Variants in SNX29 observed in about 807,000 individuals in gnomAD.
SNX29 encodes sorting nexin-29.
In SNX29, 78 loss-of-function variants were observed where a neutral mutation model predicts 102.1. That is an observed-to-expected ratio of 0.76 (90% CI 0.64 to 0.92). The LOEUF is 0.92. SNX29 is among the 40% of genes least tolerant of loss of function. The probability of loss-of-function intolerance (pLI) is 0.00; values close to 1 mark genes in which losing one functional copy is unlikely to be tolerated. For synonymous variants in SNX29, 580 were observed against 414.5 expected (o/e 1.40, Z -4.85); for missense variants, 1,280 against 1,061.7 (o/e 1.21, Z -2.86).
At chr16:12,422,954 T>G (rs948719313) in intron 18 of SNX29, among the ~76,000 whole-genome samples, 2 of 152,078 alleles carry the variant, frequency 1.3e-5, no homozygotes, top group African/African-American at 4.8e-5. Flanking sequence ...GAAAGAAACA[T>G]CCGAAGCTTA....
chr16:12,541,545 C>A (rs1794310), intron 20 of SNX29, among the ~76,000 whole-genome samples: 1 of 151,794 alleles, frequency 6.6e-6, no homozygotes, highest in Non-Finnish European at 1.5e-5. Context: ...TGTTCATCAG[C>A]CTCCCTTTTC....
At chr16:12,338,437 C>T (rs750361747) in intron 15 of SNX29, among the ~76,000 whole-genome samples, 5 of 152,174 alleles carry the variant, frequency 3.3e-5, no homozygotes, top group African/African-American at 1.2e-4. Context: ...TTCCCGGGAA[C>T]AAGGAAGCTC....
intron 10 of SNX29, among the ~76,000 whole-genome samples, chr16:12,077,321 A>T (rs552904486): frequency 1.3e-5 from 2 of 152,030 alleles, no homozygotes; most frequent in Admixed American, 6.5e-5. Context: ...ATGAAAAAAG[A>T]AAATCAGTCT....
At chr16:12,170,379 C>T (rs2076118455) in intron 13 of SNX29, among the ~76,000 whole-genome samples, 1 of 152,100 alleles carries the variant, frequency 6.6e-6, no homozygotes, top group South Asian at 2.1e-4. Flanking sequence ...GTTGAGAGCA[C>T]TGGATCCAGA....
At chr16:12,210,314 C>A (rs747677644) in intron 14 of SNX29, among the ~76,000 whole-genome samples, 7 of 134,102 alleles carry the variant, frequency 5.2e-5, no homozygotes, top group Non-Finnish European at 6.4e-5. Flanking sequence ...GGGACTCAGA[C>A]GTTCCCTCCA....
chr16:12,468,221 C>A, intron 18 of SNX29, among the ~76,000 whole-genome samples: 1 of 125,242 alleles, frequency 8.0e-6, no homozygotes, highest in East Asian at 2.4e-4. Context: ...GTTTCCCAGG[C>A]TGGAGTGCAG....
At position 12,520,824 on chromosome 16, in the gene SNX29, G is replaced by A. The variant is rs377126092; in HGVS notation, c.2179-3878G>A. Among the ~76,000 whole-genome samples, 11 of 152,218 alleles carry A rather than the reference G, an allele frequency of 7.2e-5. No homozygotes were observed. The South Asian group carries it at 2.3e-3, about 32-fold the overall frequency. The stretch of plus-strand genomic sequence containing the variant: ...GTGGGGGAGGTTGGGAGGGAGGTGA[G>A]GGATAAATGACCGCATATTTGAGTA... On this transcript the variant is annotated intron_variant, in intron 19 of 20. Coordinates refer to ENST00000566228, the MANE Select transcript of SNX29 (RefSeq NM_032167.5).
At chr16:12,510,388 A>C (rs2089560857) in intron 19 of SNX29, among the ~76,000 whole-genome samples, 1 of 152,108 alleles carries the variant, frequency 6.6e-6, no homozygotes, top group South Asian at 2.1e-4. Context: ...CTGCATAAGG[A>C]AGAGGCTGGG....
At chr16:12,444,693 C>G (rs2085965272) in intron 18 of SNX29, among the ~76,000 whole-genome samples, 1 of 152,168 alleles carries the variant, frequency 6.6e-6, no homozygotes, top group Admixed American at 6.5e-5. Flanking sequence ...ACTCCCCAGG[C>G]TACAGGTCCT....
chr16:12,032,369 G>A (rs1253044562), intron 4 of SNX29, among the ~76,000 whole-genome samples: 1 of 151,806 alleles, frequency 6.6e-6, no homozygotes, highest in East Asian at 1.9e-4. Flanking sequence ...CACCATGCCC[G>A]GCTAATTTTT....
chr16:12,114,559 T>C (rs1056754859), intron 11 of SNX29, among the ~76,000 whole-genome samples: 2 of 152,004 alleles, frequency 1.3e-5, no homozygotes, highest in South Asian at 2.1e-4. Context: ...CCCGGTTCTG[T>C]ATCGTCATTC....
At chr16:12,438,557 C>T (rs1362755201) in intron 18 of SNX29, among the ~76,000 whole-genome samples, 1 of 152,154 alleles carries the variant, frequency 6.6e-6, no homozygotes, top group African/African-American at 2.4e-5. Context: ...TAACACAGAC[C>T]AGCATTGAGG....
At chr16:12,548,454 G>A (rs995111684) in intron 20 of SNX29, among the ~76,000 whole-genome samples, 7 of 152,170 alleles carry the variant, frequency 4.6e-5, no homozygotes, top group South Asian at 2.1e-4. Flanking sequence ...TGGCATCTGT[G>A]TCTTTTGGAC....
Position 12,554,987 on chromosome 16 carries a change from G to C in SNX29, c.2319-13519G>C, listed in dbSNP as rs114251587. Among the ~76,000 whole-genome samples the C allele has an allele frequency of 8.1e-3, 1,222 of 150,434 alleles. 25 individuals carry two copies. Among genetic ancestry groups the C allele is most frequent in the African/African-American group, 0.029 (1,139 of 39,880 alleles). On this transcript the variant is annotated intron_variant, in intron 20 of 20. Coordinates refer to ENST00000566228, the MANE Select transcript of SNX29 (RefSeq NM_032167.5). Reference sequence around the variant, plus strand: ...TGGTGAGGGGGGTCAGTCAGCCGGAGCACCTTTCTTTCTTGCAGAGGCAGG... The same window carrying C: ...TGGTGAGGGGGGTCAGTCAGCCGGACCACCTTTCTTTCTTGCAGAGGCAGG...
At chr16:12,251,103 G>T (rs997082993) in intron 14 of SNX29, among the ~76,000 whole-genome samples, 15 of 152,196 alleles carry the variant, frequency 9.9e-5, no homozygotes, top group African/African-American at 3.6e-4. Flanking sequence ...GAGCATAGGC[G>T]CAAGGCAAAC....
At chr16:11,980,479 G>A (rs866807526) in intron 1 of SNX29, among the ~76,000 whole-genome samples, 8 of 152,218 alleles carry the variant, frequency 5.3e-5, no homozygotes, top group South Asian at 4.1e-4. Context: ...GAACGTTCAC[G>A]CACATGTTTT....
chr16:12,243,485 G>C (rs560627956), intron 14 of SNX29, among the ~76,000 whole-genome samples: 10 of 152,300 alleles, frequency 6.6e-5, no homozygotes, highest in Non-Finnish European at 7.3e-5. Context: ...ACTCAGTACC[G>C]TGTGAGATTG....
intron 18 of SNX29, among the ~76,000 whole-genome samples, chr16:12,420,177 C>T (rs2084814645): frequency 6.6e-6 from 1 of 152,234 alleles, no homozygotes; most frequent in Non-Finnish European, 1.5e-5. Context: ...AAGATGTCTC[C>T]AGCATTGACA....
At chr16:11,977,014 G>C in intron 1 of SNX29, 1 of 568,086 alleles carries the variant, frequency 1.8e-6, no homozygotes, top group Non-Finnish European at 2.6e-6. Context: ...TCCCGTGGCG[G>C]GGCACTCCTG....
Sources: allele counts gnomAD v4.1 joint callset (sites outside exome capture counted in the v4.1 genomes callset), GRCh38; gene constraint gnomAD v4.1.1; transcripts MANE v1.5; gene names NCBI Gene and HGNC (gene_info 2026-07-23, HGNC 2026-07-21).